The following LPP variants were observed in gnomAD, a reference collection of about 807,000 sequenced individuals.
The protein encoded by LPP is lipoma-preferred partner.
A neutral mutation model predicts 60.4 loss-of-function variants in LPP; 38 were observed. The observed-to-expected ratio is 0.63, with a 90% CI of 0.49 to 0.83. The LOEUF (loss-of-function observed/expected upper bound fraction) is 0.83. LPP is among the 40% of genes least tolerant of loss of function. The probability of loss-of-function intolerance (pLI) is 0.00; values close to 1 mark genes in which losing one functional copy is unlikely to be tolerated. For synonymous variants in LPP, 328 were observed against 290.8 expected (o/e 1.13, Z -1.30); for missense variants, 902 against 783.6 (o/e 1.15, Z -1.80).
intron 4 of LPP, among the ~76,000 whole-genome samples, chr3:188,435,692 A>G (rs1255025193): frequency 6.6e-6 from 1 of 152,116 alleles, no homozygotes; most frequent in Non-Finnish European, 1.5e-5. Flanking sequence ...GGGATATTGG[A>G]AATAATCTCT....
intron 9 of LPP, among the ~76,000 whole-genome samples, chr3:188,829,695 G>A (rs577046417): frequency 6.6e-6 from 1 of 152,168 alleles, no homozygotes; most frequent in East Asian, 1.9e-4. Flanking sequence ...TATTATCTGG[G>A]GCAATATACA....
At chr3:188,484,493 C>A in intron 4 of LPP, 99 bp from the exon 5 acceptor site, 1 of 821,256 alleles carries the variant, frequency 1.2e-6, no homozygotes, top group Non-Finnish European at 2.0e-6. Flanking sequence ...AATTATGTGT[C>A]AAAGCCAATT....
intron 3 of LPP, among the ~76,000 whole-genome samples, chr3:188,404,200 T>C (rs1352555372): frequency 6.6e-6 from 1 of 152,178 alleles, no homozygotes; most frequent in Non-Finnish European, 1.5e-5. Context: ...TATCATCTCA[T>C]TGGTTGCCAT....
At chr3:188,392,948 G>T (rs1475102632) in intron 3 of LPP, among the ~76,000 whole-genome samples, 1 of 152,112 alleles carries the variant, frequency 6.6e-6, no homozygotes, top group Non-Finnish European at 1.5e-5. Flanking sequence ...CCCCAATTTA[G>T]AAATGTGAAA....
At chr3:188,226,487 T>C (rs1342748697) in intron 2 of LPP, among the ~76,000 whole-genome samples, 2 of 152,318 alleles carry the variant, frequency 1.3e-5, no homozygotes, top group East Asian at 3.9e-4. Flanking sequence ...CCTTGTGTTT[T>C]GGTGTACCTC....
chr3:188,245,741 A>G (rs1726712145), intron 2 of LPP, among the ~76,000 whole-genome samples: 1 of 151,410 alleles, frequency 6.6e-6, no homozygotes, highest in Non-Finnish European at 1.5e-5. Context: ...ACGAGGTCTC[A>G]CTATGTTGCC....
At chr3:188,224,560 T>C (rs1717016539) in intron 1 of LPP, among the ~76,000 whole-genome samples, 1 of 152,128 alleles carries the variant, frequency 6.6e-6, no homozygotes, top group African/African-American at 2.4e-5. Flanking sequence ...CGGTAATCTA[T>C]AAGAAAGAAG....
intron 2 of LPP, among the ~76,000 whole-genome samples, chr3:188,250,193 T>A (rs143079697): frequency 2.6e-5 from 4 of 152,314 alleles, no homozygotes; most frequent in African/African-American, 2.4e-5. Context: ...GTCTCTTTAG[T>A]CTCCTTTGAT....
chr3:188,166,882 A>T, intron 1 of LPP, among the ~76,000 whole-genome samples: 1 of 152,198 alleles, frequency 6.6e-6, no homozygotes, highest in Non-Finnish European at 1.5e-5. Flanking sequence ...TTTTAAGAAT[A>T]GCTTAAGAAA....
rs373147557 is a variant in LPP at position 188,814,181 on chromosome 3, A to T, written c.1411-52019A>T. Among the ~76,000 whole-genome samples, 4 of 152,282 alleles carry T rather than the reference A, an allele frequency of 2.6e-5. No individual in the cohort carries two copies. In the East Asian group the frequency reaches 7.7e-4, roughly 29 times the overall value. On this transcript the variant is annotated intron_variant, in intron 9 of 11. Transcript: ENST00000617246. Reference sequence around the variant, plus strand: ...CAGTGCTTCTCAATAGCATGTTAATAGATGCTAAAGGACCTTTAGTTAGGA... The same window carrying T: ...CAGTGCTTCTCAATAGCATGTTAATTGATGCTAAAGGACCTTTAGTTAGGA...
At chr3:188,422,912 TTTGTGTG>T (rs1481227256) in intron 4 of LPP, among the ~76,000 whole-genome samples, 1,436 of 135,654 alleles carry the variant, frequency 0.011, 23 homozygotes, top group African/African-American at 0.038. Flanking sequence ...TGGTGTCTTC[TTTGTGTG>T]TGTGTGTGTG....
chr3:188,374,569 A>G (rs1456845028), intron 3 of LPP, among the ~76,000 whole-genome samples: 1 of 152,118 alleles, frequency 6.6e-6, no homozygotes, highest in Non-Finnish European at 1.5e-5. Context: ...GTATCCTGAG[A>G]CTGCTGAAGT....
intron 5 of LPP, among the ~76,000 whole-genome samples, chr3:188,512,103 C>T (rs1379770583): frequency 1.3e-5 from 2 of 152,124 alleles, no homozygotes; most frequent in Admixed American, 6.6e-5. Flanking sequence ...GATGGAATAG[C>T]GACGTAAATT....
intron 9 of LPP, among the ~76,000 whole-genome samples, chr3:188,773,947 A>G (rs1030757430): frequency 6.6e-6 from 1 of 152,186 alleles, no homozygotes; most frequent in East Asian, 1.9e-4. Context: ...ACTTTCTCCT[A>G]GTACCTCATA....
intron 6 of LPP, among the ~76,000 whole-genome samples, chr3:188,592,563 T>TGTTTTTTTTTTTTTGG: frequency 1.3e-5 from 1 of 77,226 alleles, no homozygotes; most frequent in African/African-American, 4.7e-5. Context: ...TTTTGTTTTT[T>TGTTTTTTTTTTTTTGG]AAATGGAGTC....
intron 4 of LPP, among the ~76,000 whole-genome samples, chr3:188,471,117 A>G (rs1560447047): frequency 6.6e-6 from 1 of 152,132 alleles, no homozygotes; most frequent in Non-Finnish European, 1.5e-5. Context: ...CATAAAATCA[A>G]TTGACCATAT....
intron 2 of LPP, among the ~76,000 whole-genome samples, chr3:188,286,032 C>T (rs1743802603): frequency 6.6e-6 from 1 of 152,064 alleles, no homozygotes; most frequent in South Asian, 2.1e-4. Context: ...TGAAAAGACC[C>T]ACTTATATGG....
intron 10 of LPP, among the ~76,000 whole-genome samples, chr3:188,867,158 G>T (rs1055398757): frequency 3.3e-5 from 5 of 151,460 alleles, no homozygotes; most frequent in African/African-American, 1.2e-4. Context: ...TATTACAGCT[G>T]GGGTCTTTAT....
chr3:188,439,994 T>C (rs1793380966), intron 4 of LPP, among the ~76,000 whole-genome samples: 1 of 152,192 alleles, frequency 6.6e-6, no homozygotes, highest in African/African-American at 2.4e-5. Context: ...CACATAAACA[T>C]GGAGATGGAA....
Sources: allele counts gnomAD v4.1 joint callset (sites outside exome capture counted in the v4.1 genomes callset), GRCh38; gene constraint gnomAD v4.1.1; transcripts MANE v1.5; gene names NCBI Gene and HGNC (gene_info 2026-07-23, HGNC 2026-07-21).